PCDHA3: variants seen among roughly 807,000 people sequenced by gnomAD.
The protein encoded by PCDHA3 is protocadherin alpha 3.
Under a neutral mutation model 62.2 loss-of-function variants are expected in PCDHA3, and 41 were observed. That is an observed-to-expected ratio of 0.66 (90% CI 0.51 to 0.86). The LOEUF is 0.86. Ranked by LOEUF, PCDHA3 falls within the 40% of genes least tolerant of loss-of-function variation. The pLI, the probability that PCDHA3 is intolerant of heterozygous loss-of-function variation, is 0.00. For missense variants in PCDHA3, 1,304 were observed against 1,241.2 expected, an observed-to-expected ratio of 1.05 and a Z score of -0.76; for synonymous variants, 640 against 555.4, an observed-to-expected ratio of 1.15 and a Z score of -2.14.
At chr5:140,829,036 A>T in intron 1 of PCDHA3, 7 of 1,613,076 alleles carry the variant, frequency 4.3e-6, no homozygotes, top group Non-Finnish European at 5.9e-6. Context: ...AAGAAAACTT[A>T]TACAAAATCC....
At chr5:140,870,659 T>C (rs2052268691) in intron 1 of PCDHA3, 2 of 1,612,520 alleles carry the variant, frequency 1.2e-6, no homozygotes, top group Non-Finnish European at 1.7e-6. Flanking sequence ...GTGTACGCGC[T>C]GCAGCCGTTG....
chr5:140,849,852 C>A (rs2150454047), intron 1 of PCDHA3: 2 of 1,598,608 alleles, frequency 1.3e-6, no homozygotes, highest in East Asian at 2.2e-5. Context: ...CGACAACGCA[C>A]CAGCGTTCGC....
At chr5:140,854,572 C>T (rs2043163133) in intron 1 of PCDHA3, 2 of 149,770 alleles carry the variant, frequency 1.3e-5, no homozygotes, top group South Asian at 4.2e-4. Context: ...CTCTGTCATT[C>T]AGATTTTAAT....
At chr5:140,831,867 T>C (rs1273262547) in intron 1 of PCDHA3, among the ~76,000 whole-genome samples, 1 of 152,226 alleles carries the variant, frequency 6.6e-6, no homozygotes, top group Non-Finnish European at 1.5e-5. Flanking sequence ...AGTAAGTTGA[T>C]ATTGTAAGGC....
chr5:140,863,109 G>A, intron 1 of PCDHA3: 1 of 584,624 alleles, frequency 1.7e-6, no homozygotes, highest in Non-Finnish European at 3.4e-6. Flanking sequence ...CCCTGGACGA[G>A]GCGAAAGCTA....
In PCDHA3 at chr5:140,990,870, T is replaced by G. The variant is rs550033552; in HGVS notation, c.2542+8307T>G. Among the ~76,000 whole-genome samples, 16 of 152,274 alleles carry G rather than the reference T, an allele frequency of 1.1e-4. No individual in the cohort carries two copies. The South Asian group carries it at 3.3e-3, about 32-fold the overall frequency. On this transcript the variant is annotated intron_variant, in intron 3 of 3. Coordinates refer to ENST00000522353, the MANE Select transcript of PCDHA3 (RefSeq NM_018906.3). ...AGCCCTGAGGACATTGTATTTTAAG[T>G]GTATGTTCCAGTGAGTGGGTCGTTG...
At chr5:140,834,741 G>A (rs1773242914) in intron 1 of PCDHA3, 7 of 1,614,122 alleles carry the variant, frequency 4.3e-6, no homozygotes. Context: ...TTTCCATGTG[G>A]ACGTGGAGGT....
At chr5:140,826,404 G>T (rs1027419773) in intron 1 of PCDHA3, among the ~76,000 whole-genome samples, 2 of 152,092 alleles carry the variant, frequency 1.3e-5, no homozygotes, top group Non-Finnish European at 2.9e-5. Context: ...ATAGATCCAG[G>T]TTAATTATTT....
intron 1 of PCDHA3, among the ~76,000 whole-genome samples, chr5:140,889,040 A>G (rs1313734637): frequency 4.6e-5 from 7 of 152,094 alleles, no homozygotes; most frequent in African/African-American, 1.4e-4. Context: ...TAATTTGATT[A>G]TAATTTATAA....
intron 1 of PCDHA3, among the ~76,000 whole-genome samples, chr5:140,939,903 C>A (rs782506444): frequency 3.9e-4 from 60 of 152,166 alleles, no homozygotes; most frequent in Non-Finnish European, 5.9e-4. Flanking sequence ...ATTCTGCATT[C>A]TTTTTTATTC....
intron 1 of PCDHA3, among the ~76,000 whole-genome samples, chr5:140,847,067 A>G (rs1780844287): frequency 1.3e-5 from 2 of 149,984 alleles, no homozygotes; most frequent in Admixed American, 1.3e-4. Context: ...AAGCATCAAT[A>G]TGACAAGTAG....
rs189155751 is a variant in PCDHA3 at position 140,943,432 on chromosome 5, T to C, written c.2395-35517T>C. 2.8e-3 allele frequency among the ~76,000 whole-genome samples: 419 copies of C among 152,174 alleles called. 2 individuals carry two copies. The highest frequency in any genetic ancestry group is 0.014 in the Middle Eastern group (4 of 294). Reference sequence around the variant, plus strand: ...ACTAGAGGCAAGGGCTTTAATATGATATAAAGGATAGAATTGATAAGGCTA... The same window carrying C: ...ACTAGAGGCAAGGGCTTTAATATGACATAAAGGATAGAATTGATAAGGCTA... On this transcript the variant is annotated intron_variant, in intron 1 of 3. Coordinates refer to ENST00000522353, the MANE Select transcript of PCDHA3 (RefSeq NM_018906.3).
At chr5:140,851,846 T>C in intron 1 of PCDHA3, 1 of 970,670 alleles carries the variant, frequency 1.0e-6, no homozygotes, top group Non-Finnish European at 1.2e-6. Context: ...TATCTTTTTC[T>C]CCTCTCAGCT....
chr5:140,928,473 C>T (rs782009999), intron 1 of PCDHA3: 1 of 1,613,978 alleles, frequency 6.2e-7, no homozygotes, highest in Admixed American at 1.7e-5. Context: ...AAGTAGAAGG[C>T]CGGGATGGTG....
intron 1 of PCDHA3, chr5:140,883,540 G>A (rs782359917): frequency 1.9e-6 from 3 of 1,614,222 alleles, no homozygotes; most frequent in Non-Finnish European, 2.5e-6. Context: ...ATGAACTGGT[G>A]GTGACCGCGC....
At chr5:140,883,106 T>C (rs782515785) in intron 1 of PCDHA3, 3 of 1,614,124 alleles carry the variant, frequency 1.9e-6, no homozygotes, top group Non-Finnish European at 2.5e-6. Context: ...TATAGTTTAC[T>C]CATTTAGAAG....
intron 1 of PCDHA3, chr5:140,836,542 C>A (rs1554136059): frequency 6.2e-7 from 1 of 1,613,774 alleles, no homozygotes; most frequent in African/African-American, 1.3e-5. Context: ...CTGTACACGG[C>A]GTTGCGGTGC....
chr5:140,967,935 A>C (rs186453952), intron 1 of PCDHA3: 1 of 1,614,214 alleles, frequency 6.2e-7, no homozygotes, highest in Admixed American at 1.7e-5. Context: ...CTCAGTGTCA[A>C]TGACCAAGAC....
At position 140,985,395 on chromosome 5, in the gene PCDHA3, C is replaced by G. The variant is rs377641758; in HGVS notation, c.2542+2832C>G. 2.6e-5 allele frequency among the ~76,000 whole-genome samples: 4 copies of G among 152,302 alleles called. No individual in the cohort carries two copies. The East Asian group carries it at 7.7e-4, about 29-fold the overall frequency. On this transcript the variant is annotated intron_variant, in intron 3 of 3. Coordinates refer to ENST00000522353, the MANE Select transcript of PCDHA3 (RefSeq NM_018906.3). ...GGTCTATATAATCCAGTCACCCCAACTGTTCCCCTGGAAATGGAGTGAGGA... is the reference window on the plus strand; with the variant it reads ...GGTCTATATAATCCAGTCACCCCAAGTGTTCCCCTGGAAATGGAGTGAGGA...
Sources: allele counts gnomAD v4.1 joint callset (sites outside exome capture counted in the v4.1 genomes callset), GRCh38; gene constraint gnomAD v4.1.1; transcripts MANE v1.5; gene names NCBI Gene and HGNC (gene_info 2026-07-23, HGNC 2026-07-21).